ANAPC5: variants seen among roughly 807,000 people sequenced by gnomAD.
ANAPC5 encodes the protein anaphase-promoting complex subunit 5.
Under a neutral mutation model 91.3 loss-of-function variants are expected in ANAPC5, and 60 were observed. That is an observed-to-expected ratio of 0.66 (90% confidence interval 0.53 to 0.81). ANAPC5 has a LOEUF of 0.81. ANAPC5 is among the 40% of genes least tolerant of loss of function. The pLI, the probability that ANAPC5 is intolerant of heterozygous loss-of-function variation, is 0.00. For missense variants in ANAPC5, 690 were observed against 931.5 expected (o/e 0.74, Z 3.37); for synonymous variants, 340 against 364.1 (o/e 0.93, Z 0.75).
chr12:121,316,889 T>C (rs1352934980), intron 15 of ANAPC5, among the ~76,000 whole-genome samples: 1 of 152,000 alleles, frequency 6.6e-6, no homozygotes, highest in Admixed American at 6.6e-5. Flanking sequence ...AACCATACAG[T>C]GAAATATTCT....
chr12:121,353,364 T>C (rs1555275711), upstream of ANAPC5, among the ~76,000 whole-genome samples: 1 of 152,230 alleles, frequency 6.6e-6, no homozygotes, highest in African/African-American at 2.4e-5. Flanking sequence ...TATTAGTCTT[T>C]ATGTCCCTTG....
upstream of ANAPC5, among the ~76,000 whole-genome samples, chr12:121,353,900 C>T (rs1903994075): frequency 6.6e-6 from 1 of 152,002 alleles, no homozygotes. Flanking sequence ...CCCCCTCGCC[C>T]TCAGGAATGC....
chr12:121,350,986 T>C (rs1164726219), intron 1 of ANAPC5: 1 of 389,644 alleles, frequency 2.6e-6, no homozygotes, highest in African/African-American at 2.1e-5. Context: ...TAACAGTTTC[T>C]ACTATTGTTC....
intron 15 of ANAPC5, among the ~76,000 whole-genome samples, chr12:121,313,802 G>A (rs1016551989): frequency 7.9e-5 from 12 of 152,164 alleles, no homozygotes; most frequent in African/African-American, 2.9e-4. Flanking sequence ...CTTCACTGGT[G>A]AATTTTACCA....
intron 3 of ANAPC5, chr12:121,346,459 A>G (rs1469661436): frequency 1.1e-5 from 2 of 176,478 alleles, no homozygotes; most frequent in Non-Finnish European, 1.2e-5. Context: ...TACCATGCAA[A>G]AAAGCCAGAG....
At chr12:121,319,925 C>T in intron 12 of ANAPC5, 107 bp from the exon 13 acceptor site, 1 of 1,120,658 alleles carries the variant, frequency 8.9e-7, no homozygotes, top group Non-Finnish European at 1.2e-6. Context: ...CAATAATTCA[C>T]ACATATTCTT....
At chr12:121,351,723 C>G (rs937381704) in intron 1 of ANAPC5, among the ~76,000 whole-genome samples, 2 of 152,040 alleles carry the variant, frequency 1.3e-5, no homozygotes, top group Non-Finnish European at 2.9e-5. Context: ...TCCCAAAGTG[C>G]GGAGATTATA....
chr12:121,315,196 C>A (rs894595031), intron 15 of ANAPC5, among the ~76,000 whole-genome samples: 2 of 151,932 alleles, frequency 1.3e-5, no homozygotes, highest in African/African-American at 4.8e-5. Flanking sequence ...TTTAAATTAC[C>A]ATCAAAAAGA....
In ANAPC5 at chr12:121,352,346, CCCGAGA is replaced by C. The variant is rs781872789; in HGVS notation, c.-12_-7del. 641 of 1,594,012 alleles carry C rather than the reference CCCGAGA, an allele frequency of 4.0e-4. 1 individual carries two copies. In the African/African-American group the frequency reaches 7.4e-3, roughly 18 times the overall value. ...CTCTCGTGGACGCTGGCCATGGCGG[CCCGAGA>C]CTAAGTCTCGGGCCCGCGGCGCGCT... On this transcript the variant is annotated 5_prime_UTR_variant, in exon 1 of 17. Transcript: ENST00000261819.
intron 6 of ANAPC5, 49 bp downstream of exon 6, chr12:121,337,242 G>T: frequency 6.9e-7 from 1 of 1,455,554 alleles, no homozygotes; most frequent in Non-Finnish European, 9.6e-7. Context: ...AAAAAAAGTT[G>T]CCTTGTCATT....
intron 8 of ANAPC5, 23 bp downstream of exon 8, chr12:121,331,324 C>T: frequency 1.3e-6 from 2 of 1,573,580 alleles, no homozygotes; most frequent in East Asian, 2.3e-5. Flanking sequence ...AACAAAACTC[C>T]CAAGACCAGA....
chr12:121,347,234 C>A, intron 2 of ANAPC5: 1 of 492,232 alleles, frequency 2.0e-6, no homozygotes, highest in South Asian at 2.8e-5. Context: ...TCACATCAAC[C>A]AATAAACATT....
chr12:121,353,490 G>C (rs1903982543), upstream of ANAPC5, among the ~76,000 whole-genome samples: 1 of 151,886 alleles, frequency 6.6e-6, no homozygotes, highest in African/African-American at 2.4e-5. Context: ...GCCCAGGCTG[G>C]AGTGCAGTGG....
At chr12:121,345,436 T>C (rs144794447) in intron 4 of ANAPC5, among the ~76,000 whole-genome samples, 107 of 152,160 alleles carry the variant, frequency 7.0e-4, no homozygotes, top group Non-Finnish European at 2.8e-4. Context: ...TAAGACACAA[T>C]ACAGTCCCCA....
At chr12:121,339,608 C>T (rs181838447) in intron 5 of ANAPC5, among the ~76,000 whole-genome samples, 8 of 152,104 alleles carry the variant, frequency 5.3e-5, no homozygotes, top group Admixed American at 2.0e-4. Context: ...GTAGCTGGGA[C>T]GACAGGCACA....
At chr12:121,325,570 A>G (rs782013690) in intron 11 of ANAPC5, among the ~76,000 whole-genome samples, 3 of 151,274 alleles carry the variant, frequency 2.0e-5, no homozygotes, top group Non-Finnish European at 4.4e-5. Context: ...TTCTAATAGT[A>G]AAAAAAAATA....
At chr12:121,313,550 G>A (rs1902249972) in intron 15 of ANAPC5, among the ~76,000 whole-genome samples, 1 of 152,134 alleles carries the variant, frequency 6.6e-6, no homozygotes, top group Non-Finnish European at 1.5e-5. Context: ...AATAACCGAA[G>A]TCAGGGATGA....
chr12:121,330,656 A>T lies in ANAPC5; in HGVS notation c.1049T>A (p.Leu350Gln), dbSNP rs376710093. 2 of 1,614,156 alleles carry T rather than the reference A, an allele frequency of 1.2e-6. No homozygotes were observed. Among genetic ancestry groups the T allele is most frequent in the African/African-American group, 2.7e-5 (2 of 75,078 alleles). Residue 350 changes from leucine (L) to glutamine (Q), a missense_variant, in exon 9 of 17, where the codon CTG becomes CAG. By Grantham distance (113) the Leu-to-Gln change is moderately radical. Around this residue, in one of 5 missense-constraint regions of ANAPC5, gnomAD observed 36 missense variants for 27.6 expected, o/e 1.30. Coordinates refer to ENST00000261819, the MANE Select transcript of ANAPC5 (RefSeq NM_016237.5). ...ATAGCTATCGGATCTCTTCTGCCCC[A>T]GCACATAAAGCCAGCTCTGGCAAGA... ...LQHCLSWLYV[L>Q]GQKRSDSYVL...
chr12:121,309,949 G>A, intron 15 of ANAPC5, 86 bp from the exon 16 acceptor site: 11 of 1,354,520 alleles, frequency 8.1e-6, no homozygotes, highest in Non-Finnish European at 1.1e-5. Flanking sequence ...GTTCTCTCCT[G>A]AATGGCTATC....
Sources: allele counts gnomAD v4.1 joint callset (sites outside exome capture counted in the v4.1 genomes callset), GRCh38; gene constraint gnomAD v4.1.1; regional missense constraint gnomAD v4.1.1; transcripts MANE v1.5; gene names NCBI Gene and HGNC (gene_info 2026-07-23, HGNC 2026-07-21).